The following DAP variants were observed in gnomAD, a reference collection of about 807,000 sequenced individuals.
DAP encodes the protein death-associated protein 1.
DAP carries 8 observed loss-of-function variants against 13.8 expected under a neutral mutation model. The ratio of observed to expected loss-of-function variants is 0.58; its 90% CI spans 0.34 to 1.05. DAP has a LOEUF of 1.05. Among genes scored for constraint, DAP ranks in the 50% least tolerant of loss-of-function variants. The pLI is 0.03. For missense variants in DAP, 106 were observed against 133.2 expected (o/e 0.80, Z 1.01); for synonymous variants, 47 against 47.5 (o/e 0.99, Z 0.04).
chr5:10,712,373 A>G (rs1207126473), intron 2 of DAP, among the ~76,000 whole-genome samples: 2 of 152,116 alleles, frequency 1.3e-5, no homozygotes, highest in Non-Finnish European at 2.9e-5. Flanking sequence ...AAGAATTCGG[A>G]TGGGGGAAGC....
chr5:10,690,050 TGAAA>T (rs764594602), intron 2 of DAP, among the ~76,000 whole-genome samples: 19 of 152,298 alleles, frequency 1.2e-4, no homozygotes, highest in Admixed American at 6.5e-4. Context: ...AATAAGGCAC[TGAAA>T]GAAAAGAACC....
intron 2 of DAP, among the ~76,000 whole-genome samples, chr5:10,709,805 T>A (rs1025552393): frequency 2.6e-5 from 4 of 152,194 alleles, no homozygotes; most frequent in Admixed American, 1.3e-4. Flanking sequence ...CTGGAACATG[T>A]CCCAGGGAAT....
chr5:10,728,188 T>C (rs1007458653), intron 2 of DAP, among the ~76,000 whole-genome samples: 4 of 152,204 alleles, frequency 2.6e-5, no homozygotes, highest in Non-Finnish European at 4.4e-5. Context: ...GAAATGCTAT[T>C]TTTTTGTATT....
intron 2 of DAP, among the ~76,000 whole-genome samples, chr5:10,710,997 A>G (rs1316506499): frequency 6.6e-6 from 1 of 152,208 alleles, no homozygotes; most frequent in African/African-American, 2.4e-5. Flanking sequence ...GTGAGGACAG[A>G]AGAGACAAAG....
At chr5:10,738,261 G>A (rs1283357756) in intron 2 of DAP, among the ~76,000 whole-genome samples, 1 of 152,266 alleles carries the variant, frequency 6.6e-6, no homozygotes, top group African/African-American at 2.4e-5. Flanking sequence ...AGTGAATGCT[G>A]AAAGTAGCAG....
chr5:10,739,284 T>C (rs1739696312), intron 2 of DAP, among the ~76,000 whole-genome samples: 1 of 146,300 alleles, frequency 6.8e-6, no homozygotes, highest in East Asian at 2.0e-4. Context: ...ATGAGGAATA[T>C]GGTGAGGGGT....
intron 2 of DAP, among the ~76,000 whole-genome samples, chr5:10,704,331 A>G (rs1035176062): frequency 6.6e-6 from 1 of 152,124 alleles, no homozygotes; most frequent in African/African-American, 2.4e-5. Context: ...CATCAGCTCA[A>G]TTTTTGCCAC....
intron 2 of DAP, among the ~76,000 whole-genome samples, chr5:10,722,569 C>CAT (rs1412172092): frequency 1.4e-5 from 2 of 145,558 alleles, no homozygotes; most frequent in East Asian, 3.9e-4. Flanking sequence ...CATATATATA[C>CAT]ATACATACAT....
intron 2 of DAP, among the ~76,000 whole-genome samples, chr5:10,710,421 G>A (rs766815784): frequency 6.6e-6 from 1 of 152,250 alleles, no homozygotes; most frequent in Admixed American, 6.5e-5. Context: ...ACTGCACTGA[G>A]AGGCCTCCTG....
chr5:10,680,193 T>C lies in DAP; in HGVS notation c.*863A>G, dbSNP rs1465165292. 1 of 156,582 alleles carries C rather than the reference T, an allele frequency of 6.4e-6. No homozygotes were observed. Among genetic ancestry groups the C allele is most frequent in the Non-Finnish European group, 1.4e-5 (1 of 70,836 alleles). 9.7% of individuals were successfully genotyped at this position (156,582 alleles called of 1,614,324 possible). ...GACAAAGGGCAGGTTTCTTATCTGG[T>C]CTTTCCAAGCTTTCAACTCTCTGGC... On this transcript the variant is annotated 3_prime_UTR_variant, in exon 4 of 4. Coordinates refer to ENST00000230895, the MANE Select transcript of DAP (RefSeq NM_004394.3).
intron 2 of DAP, among the ~76,000 whole-genome samples, chr5:10,717,354 G>A (rs915880002): frequency 2.2e-4 from 33 of 152,242 alleles, no homozygotes; most frequent in African/African-American, 5.5e-4. Context: ...GCACAGCCTC[G>A]CCAGGTGTCT....
rs540781297 is a variant in DAP, at chr5:10,692,331, C to A, written c.153-8760G>T. Among the ~76,000 whole-genome samples the A allele has an allele frequency of 1.5e-3, 229 of 152,324 alleles. 1 individual carries two copies. Among genetic ancestry groups the A allele is most frequent in the African/African-American group, 5.3e-3 (222 of 41,566 alleles). ...TGCCCCAGTTCTGAGAGGTGTAAAG[C>A]GATGCACTCTTGTGAGTTAGAGCTG... On this transcript the variant is annotated intron_variant, in intron 2 of 3. Transcript: ENST00000230895.
At chr5:10,702,698 G>A (rs1401025081) in intron 2 of DAP, among the ~76,000 whole-genome samples, 1 of 152,192 alleles carries the variant, frequency 6.6e-6, no homozygotes, top group African/African-American at 2.4e-5. Context: ...ACATTCACGA[G>A]CCTGAATTAA....
At position 10,761,172 on chromosome 5, in the gene DAP, G is replaced by A. The variant is rs1465872052; in HGVS notation, c.-104C>T. ...GTGAGCGCCGGGGAGCGAGCGGGCGGGAGAACGACGCGCGCGCGTGGGGCG... is the reference window on the plus strand; with the variant it reads ...GTGAGCGCCGGGGAGCGAGCGGGCGAGAGAACGACGCGCGCGCGTGGGGCG... On this transcript the variant is annotated 5_prime_UTR_variant, in exon 1 of 4. Coordinates refer to ENST00000230895, the MANE Select transcript of DAP (RefSeq NM_004394.3). The A allele has an allele frequency of 6.6e-5, 39 of 595,144 alleles. No homozygotes were observed. The highest frequency in any genetic ancestry group is 1.6e-4 in the Admixed American group (3 of 18,888). 36.9% of individuals were successfully genotyped at this position (595,144 alleles called of 1,614,324 possible).
At chr5:10,730,716 G>A (rs1421236495) in intron 2 of DAP, among the ~76,000 whole-genome samples, 24 of 105,700 alleles carry the variant, frequency 2.3e-4, no homozygotes, top group African/African-American at 8.6e-4. Context: ...TAGTGAGGGG[G>A]AATCTTTCTG....
At chr5:10,739,378 T>C (rs1362283470) in intron 2 of DAP, among the ~76,000 whole-genome samples, 1 of 149,926 alleles carries the variant, frequency 6.7e-6, no homozygotes, top group South Asian at 2.1e-4. Context: ...TTTTAAAAAA[T>C]CACCACAGAT....
chr5:10,714,491 A>G (rs186170357), intron 2 of DAP, among the ~76,000 whole-genome samples: 19 of 152,378 alleles, frequency 1.2e-4, no homozygotes, highest in Admixed American at 5.9e-4. Context: ...TAATATTTTG[A>G]TAACTGTACC....
intron 2 of DAP, 144 bp downstream of exon 2, chr5:10,748,031 C>A: frequency 1.7e-6 from 1 of 600,670 alleles, no homozygotes; most frequent in Non-Finnish European, 2.9e-6. Context: ...CCCCCTCCTC[C>A]CTGATTAGGA....
intron 2 of DAP, among the ~76,000 whole-genome samples, chr5:10,720,107 C>T (rs376645293): frequency 7.2e-5 from 11 of 152,296 alleles, no homozygotes; most frequent in East Asian, 1.9e-4. Context: ...TCATTCCAAG[C>T]GGTCTGATTC....
Sources: allele counts gnomAD v4.1 joint callset (sites outside exome capture counted in the v4.1 genomes callset), GRCh38; gene constraint gnomAD v4.1.1; transcripts MANE v1.5; gene names NCBI Gene and HGNC (gene_info 2026-07-23, HGNC 2026-07-21).